Variants in TEAD1 observed in about 807,000 individuals in gnomAD.
The protein encoded by TEAD1 is transcriptional enhancer factor TEF-1.
A neutral mutation model predicts 54.9 loss-of-function variants in TEAD1; 9 were observed. The ratio of observed to expected loss-of-function variants is 0.16; its 90% CI spans 0.10 to 0.29. The LOEUF (loss-of-function observed/expected upper bound fraction) is 0.29, where lower values mean the gene tolerates loss of function less well. Ranked by LOEUF, TEAD1 falls within the 10% of genes least tolerant of loss-of-function variation. The pLI is 1.00. For synonymous variants in TEAD1, 200 were observed against 187.8 expected (o/e 1.07, Z -0.53); for missense variants, 387 against 535.9 (o/e 0.72, Z 2.74).
intron 9 of TEAD1, among the ~76,000 whole-genome samples, chr11:12,883,461 T>G (rs1288387916): frequency 6.6e-6 from 1 of 152,126 alleles, no homozygotes; most frequent in Non-Finnish European, 1.5e-5. Flanking sequence ...ATATGCCTGG[T>G]CCCATGCAGA....
chr11:12,832,156 G>A (rs1371753), intron 3 of TEAD1, among the ~76,000 whole-genome samples: 93,931 of 151,956 alleles, frequency 0.62, 29,341 homozygotes, highest in East Asian at 0.74. Context: ...TTAGGTTACA[G>A]GTTTTTTGTT....
At chr11:12,835,736 G>A (rs1946876260) in intron 3 of TEAD1, among the ~76,000 whole-genome samples, 1 of 152,152 alleles carries the variant, frequency 6.6e-6, no homozygotes. Flanking sequence ...AGAAATAGAA[G>A]AAGAGAACTT....
intron 2 of TEAD1, among the ~76,000 whole-genome samples, chr11:12,708,490 G>T (rs547739989): frequency 6.6e-6 from 1 of 151,978 alleles, no homozygotes; most frequent in Non-Finnish European, 1.5e-5. Flanking sequence ...GATGGGGCTC[G>T]GGGGCAAATT....
chr11:12,851,895 C>T (rs933222957), intron 3 of TEAD1, among the ~76,000 whole-genome samples: 1 of 152,088 alleles, frequency 6.6e-6, no homozygotes, highest in Non-Finnish European at 1.5e-5. Context: ...ATGGAGCAGT[C>T]ACTATTCTAG....
In TEAD1 at chr11:12,893,361, C is replaced by T. The variant is rs909533098; in HGVS notation, c.700-8579C>T. Among the ~76,000 whole-genome samples the T allele has an allele frequency of 6.6e-5, 10 of 152,156 alleles. No homozygotes were observed. The East Asian group carries it at 7.7e-4, about 12-fold the overall frequency. On this transcript the variant is annotated intron_variant, in intron 9 of 12. Transcript: ENST00000527636. ...GCCCCTCACAGTCCTGAGCCCTTGC[C>T]GAGCCACCTGCGAGCCCCTCCCGGC...
At chr11:12,715,773 G>A (rs1325995248) in intron 2 of TEAD1, among the ~76,000 whole-genome samples, 2 of 151,950 alleles carry the variant, frequency 1.3e-5, no homozygotes, top group Non-Finnish European at 2.9e-5. Flanking sequence ...TCAAATTTCA[G>A]GTAAGCAATA....
intron 2 of TEAD1, among the ~76,000 whole-genome samples, chr11:12,730,997 C>T (rs1263453497): frequency 1.3e-5 from 2 of 152,068 alleles, no homozygotes; most frequent in African/African-American, 4.8e-5. Context: ...CTACCATGCC[C>T]GGCCCCTTTC....
intron 7 of TEAD1, 21 bp downstream of exon 7, chr11:12,881,072 G>A: frequency 1.2e-6 from 2 of 1,613,880 alleles, no homozygotes; most frequent in South Asian, 1.1e-5. Flanking sequence ...GGAGGGGTGG[G>A]CACTGACAAC....
At chr11:12,860,006 C>CA (rs1434150745) in intron 3 of TEAD1, among the ~76,000 whole-genome samples, 2 of 152,108 alleles carry the variant, frequency 1.3e-5, no homozygotes, top group Non-Finnish European at 2.9e-5. Flanking sequence ...GGAGCACTGC[C>CA]ACAGTTCTGG....
At chr11:12,918,328 T>C (rs915481728) in intron 10 of TEAD1, among the ~76,000 whole-genome samples, 1 of 149,894 alleles carries the variant, frequency 6.7e-6, no homozygotes, top group African/African-American at 2.4e-5. Context: ...TATAAAATTA[T>C]ATATATCTTG....
intron 3 of TEAD1, among the ~76,000 whole-genome samples, chr11:12,791,783 A>G (rs1448542017): frequency 6.6e-6 from 1 of 152,196 alleles, no homozygotes; most frequent in Admixed American, 6.5e-5. Context: ...ATGCATCCTT[A>G]ATTAATAGGC....
At chr11:12,780,463 C>T (rs371929591) in intron 3 of TEAD1, among the ~76,000 whole-genome samples, 4 of 151,946 alleles carry the variant, frequency 2.6e-5, no homozygotes, top group Non-Finnish European at 5.9e-5. Flanking sequence ...AGGCTGGTCT[C>T]GAACTCCTGA....
chr11:12,701,908 A>G (rs991243491), intron 2 of TEAD1, among the ~76,000 whole-genome samples: 1 of 152,240 alleles, frequency 6.6e-6, no homozygotes, highest in African/African-American at 2.4e-5. Flanking sequence ...AATTCTATCC[A>G]AAGAGTGGCA....
intron 3 of TEAD1, among the ~76,000 whole-genome samples, chr11:12,787,942 C>G (rs989059878): frequency 6.6e-6 from 1 of 150,668 alleles, no homozygotes; most frequent in African/African-American, 2.4e-5. Context: ...GGTTTCTCTT[C>G]AGACTGTATA....
At chr11:12,857,408 ATCTC>A (rs903430004) in intron 3 of TEAD1, among the ~76,000 whole-genome samples, 1 of 152,286 alleles carries the variant, frequency 6.6e-6, no homozygotes, top group East Asian at 1.9e-4. Context: ...GAAGCTTTAT[ATCTC>A]TCTCTGACTC....
chr11:12,772,196 A>G (rs1002430632), intron 3 of TEAD1, among the ~76,000 whole-genome samples: 3 of 152,362 alleles, frequency 2.0e-5, no homozygotes, highest in African/African-American at 7.2e-5. Context: ...CTTTCTACCT[A>G]GAGGGAACAT....
intron 2 of TEAD1, among the ~76,000 whole-genome samples, chr11:12,695,565 A>G (rs945265371): frequency 1.1e-4 from 16 of 152,198 alleles, no homozygotes; most frequent in African/African-American, 3.4e-4. Context: ...ATTAAAATCA[A>G]TGTAAATGGA....
chr11:12,774,241 C>G (rs570788819), intron 3 of TEAD1, among the ~76,000 whole-genome samples: 31 of 152,112 alleles, frequency 2.0e-4, no homozygotes, highest in Admixed American at 2.0e-3. Context: ...GCCACAAATA[C>G]GGTCAACTGA....
Position 12,819,351 on chromosome 11 carries a change from C to T in TEAD1, c.203-42899C>T, listed in dbSNP as rs142075775. ...TTCTTTTAATTAAAAAAATTAGTTACCTATATAAATATTCACTTGGTAACC... is the reference window on the plus strand; with the variant it reads ...TTCTTTTAATTAAAAAAATTAGTTATCTATATAAATATTCACTTGGTAACC... On this transcript the variant is annotated intron_variant, in intron 3 of 12. Transcript: ENST00000527636. 7.4e-3 allele frequency among the ~76,000 whole-genome samples: 1,117 copies of T among 151,580 alleles called. 18 individuals carry two copies. Among genetic ancestry groups the T allele is most frequent in the African/African-American group, 0.026 (1,070 of 41,284 alleles).
Sources: allele counts gnomAD v4.1 joint callset (sites outside exome capture counted in the v4.1 genomes callset), GRCh38; gene constraint gnomAD v4.1.1; transcripts MANE v1.5; gene names NCBI Gene and HGNC (gene_info 2026-07-23, HGNC 2026-07-21).